TMEM161B: variants seen among roughly 807,000 people sequenced by gnomAD.
TMEM161B encodes the protein transmembrane protein 161B.
In TMEM161B, 34 loss-of-function variants were observed where a neutral mutation model predicts 61.8. That is an observed-to-expected ratio of 0.55 (90% CI 0.42 to 0.73). The LOEUF is 0.73. Among genes scored for constraint, TMEM161B ranks in the 30% least tolerant of loss-of-function variants. The pLI is 0.00. For missense variants in TMEM161B, 456 were observed against 558.5 expected (o/e 0.82, Z 1.85); for synonymous variants, 167 against 192.8 (o/e 0.87, Z 1.11).
At chr5:88,244,105 T>C (rs751238561) in intron 1 of TMEM161B, among the ~76,000 whole-genome samples, 2 of 151,942 alleles carry the variant, frequency 1.3e-5, no homozygotes, top group Non-Finnish European at 2.9e-5. Context: ...GATAGTTTCC[T>C]TTACTGTGCA....
intron 1 of TMEM161B, among the ~76,000 whole-genome samples, chr5:88,256,664 C>T (rs1755029778): frequency 6.6e-6 from 1 of 152,316 alleles, no homozygotes; most frequent in African/African-American, 2.4e-5. Flanking sequence ...AGGGTCTCTC[C>T]CCCTTGAAAA....
intron 4 of TMEM161B, among the ~76,000 whole-genome samples, chr5:88,223,235 GTT>G (rs1749341697): frequency 6.8e-6 from 1 of 145,990 alleles, no homozygotes. Flanking sequence ...TTTCTAATGA[GTT>G]AAGAAAAAAA....
intron 1 of TMEM161B, among the ~76,000 whole-genome samples, chr5:88,251,716 T>C (rs1239648325): frequency 6.6e-6 from 1 of 152,202 alleles, no homozygotes; most frequent in Non-Finnish European, 1.5e-5. Flanking sequence ...TTAAACAATG[T>C]TAAAAATCAC....
At chr5:88,206,384 T>C in intron 7 of TMEM161B, 55 bp downstream of exon 7, 1 of 1,405,028 alleles carries the variant, frequency 7.1e-7, no homozygotes, top group Non-Finnish European at 9.7e-7. Flanking sequence ...AATACTGCTT[T>C]ATTAAAAATA....
chr5:88,257,611 A>G (rs894475729), intron 1 of TMEM161B, among the ~76,000 whole-genome samples: 9 of 152,210 alleles, frequency 5.9e-5, no homozygotes, highest in African/African-American at 2.2e-4. Context: ...CAAAATACCA[A>G]ACAGATCATG....
In TMEM161B at chr5:88,196,478, G is replaced by A; in HGVS notation, c.1197C>T (p.Ser399=). 6.3e-7 allele frequency: 1 copy of A among 1,577,696 alleles called. No individual in the cohort carries two copies. The highest frequency in any genetic ancestry group is 1.4e-5 in the African/African-American group (1 of 72,884). Residue 399 remains serine (S), a synonymous_variant, in exon 12 of 12, where the codon TCC becomes TCT. Coordinates refer to ENST00000296595, the MANE Select transcript of TMEM161B (RefSeq NM_153354.5). ...AGATAGATTCTGGATAAATACCCCA[G>A]GAATGATTACCTAGAAAATCAAAGA... is the stretch of plus-strand genomic sequence containing the variant. ...TLLLKTLGNH[S]WGIYPESIST...
At chr5:88,207,906 TTA>T (rs1334445867) in intron 5 of TMEM161B, among the ~76,000 whole-genome samples, 2 of 152,314 alleles carry the variant, frequency 1.3e-5, no homozygotes, top group Non-Finnish European at 2.9e-5. Context: ...TACGTAAAGT[TTA>T]TGTCAAGCAT....
intron 5 of TMEM161B, among the ~76,000 whole-genome samples, chr5:88,212,615 C>T (rs754337996): frequency 6.6e-6 from 1 of 152,136 alleles, no homozygotes; most frequent in Non-Finnish European, 1.5e-5. Flanking sequence ...ATTGCCTGAG[C>T]TCAGGAATTC....
chr5:88,222,062 T>C (rs1024714412), intron 4 of TMEM161B, among the ~76,000 whole-genome samples: 4 of 152,196 alleles, frequency 2.6e-5, no homozygotes, highest in African/African-American at 9.6e-5. Flanking sequence ...ATTTTAACAT[T>C]CTTAATCTGC....
chr5:88,247,514 A>G (rs1293424674), intron 1 of TMEM161B, among the ~76,000 whole-genome samples: 1 of 152,122 alleles, frequency 6.6e-6, no homozygotes, highest in Non-Finnish European at 1.5e-5. Flanking sequence ...GAAAATAAAA[A>G]AGAGGATATT....
In TMEM161B at chr5:88,222,024, T is replaced by C. The variant is rs185425822; in HGVS notation, c.290-1305A>G. Among the ~76,000 whole-genome samples, 76 of 152,352 alleles carry C rather than the reference T, an allele frequency of 5.0e-4. No homozygotes were observed. In the Middle Eastern group the frequency reaches 0.027, roughly 55 times the overall value. ...ATAACATTTTTCCAAAATCCTATTA[T>C]GATTAATTTTTAAATTTGCATCAAG... is the stretch of plus-strand genomic sequence containing the variant. On this transcript the variant is annotated intron_variant, in intron 4 of 11. Coordinates refer to ENST00000296595, the MANE Select transcript of TMEM161B (RefSeq NM_153354.5).
intron 2 of TMEM161B, 82 bp downstream of exon 2, chr5:88,240,708 TGACTTCCTTTTGTTAAAGTTTTA>T: frequency 1.1e-6 from 1 of 933,182 alleles, no homozygotes; most frequent in Non-Finnish European, 1.7e-6. Context: ...ATTTTTCTTA[TGACTTCCTTTTGTTAAAGTTTTA>T]GAAACAGTAA....
chr5:88,189,769 G>A (rs1748600279), exon 13 of TMEM161B: 3 of 325,804 alleles, frequency 9.2e-6, no homozygotes, highest in Non-Finnish European at 1.7e-5. Context: ...ATTTTATAAG[G>A]GGAATATCCT....
intron 5 of TMEM161B, among the ~76,000 whole-genome samples, chr5:88,214,960 A>G (rs1747549634): frequency 6.6e-6 from 1 of 152,192 alleles, no homozygotes; most frequent in African/African-American, 2.4e-5. Flanking sequence ...ACAAATTTTA[A>G]AAAGTCATTC....
chr5:88,229,784 C>T (rs1750682025), intron 2 of TMEM161B, among the ~76,000 whole-genome samples: 1 of 151,380 alleles, frequency 6.6e-6, no homozygotes, highest in Non-Finnish European at 1.5e-5. Context: ...CAGGGGCTCA[C>T]TTGGTTGTCC....
At chr5:88,202,483 C>T (rs1208181729) in intron 9 of TMEM161B, 1 of 185,888 alleles carries the variant, frequency 5.4e-6, no homozygotes, top group East Asian at 1.7e-4. Context: ...AGGGATAAAA[C>T]TGTTATGTCT....
At chr5:88,186,581 C>CT (rs1202548188), downstream of TMEM161B, among the ~76,000 whole-genome samples, 2 of 151,940 alleles carry the variant, frequency 1.3e-5, no homozygotes, top group Non-Finnish European at 2.9e-5. Flanking sequence ...TGTCTATTTC[C>CT]TTTTTTTGAT....
At chr5:88,224,748 CCT>C in intron 4 of TMEM161B, among the ~76,000 whole-genome samples, 1 of 152,226 alleles carries the variant, frequency 6.6e-6, no homozygotes, top group African/African-American at 2.4e-5. Flanking sequence ...CTCTGCCACC[CCT>C]GACCAGCAAG....
chr5:88,238,233 G>A (rs1245811651), intron 2 of TMEM161B, among the ~76,000 whole-genome samples: 3 of 151,632 alleles, frequency 2.0e-5, no homozygotes, highest in East Asian at 1.9e-4. Flanking sequence ...CAGAAATATG[G>A]AGGGCGAACT....
Sources: gnomAD v4.1 joint callset for allele counts (sites outside exome capture counted in the v4.1 genomes callset) on GRCh38, gnomAD v4.1.1 for gene constraint, MANE v1.5 for transcripts, NCBI Gene and HGNC (gene_info 2026-07-23, HGNC 2026-07-21) for gene names.